The following TLX1 variants were observed in gnomAD, a reference collection of about 807,000 sequenced individuals.
The protein encoded by TLX1 is T-cell leukemia homeobox protein 1.
TLX1 carries 6 observed loss-of-function variants against 26.5 expected under a neutral mutation model. The observed-to-expected ratio is 0.23, with a 90% CI of 0.12 to 0.45. TLX1 has a LOEUF of 0.45. TLX1 is among the 20% of genes least tolerant of loss of function. The pLI, the probability that TLX1 is intolerant of heterozygous loss-of-function variation, is 0.99. For synonymous variants in TLX1, 217 were observed against 219.7 expected (o/e 0.99, Z 0.11); for missense variants, 418 against 482.6 (o/e 0.87, Z 1.25).
Position 101,131,457 on chromosome 10 carries a change from T to G in TLX1, c.-85T>G. On this transcript the variant is annotated 5_prime_UTR_variant, in exon 1 of 3. Transcript: ENST00000370196. ...GTCTCCGCGCAGCCAGGAGCCGCTG[T>G]TGCCTCCCAGCCCCTGCTAGCTGCC... 1 of 1,146,878 alleles carries G rather than the reference T, an allele frequency of 8.7e-7. No homozygotes were observed. The highest frequency in any genetic ancestry group is 1.1e-6 in the Non-Finnish European group (1 of 878,586). 71.0% of individuals were successfully genotyped at this position (1,146,878 alleles called of 1,614,324 possible).
intron 1 of TLX1, 55 bp from the exon 2 acceptor site, chr10:101,134,116 CGTCT>C (rs1564676556): frequency 4.7e-6 from 7 of 1,486,618 alleles, no homozygotes; most frequent in Middle Eastern, 1.7e-4. Flanking sequence ...TTGCCTCTGC[CGTCT>C]GTCTGTCTCC....
chr10:101,134,667 C>G (rs1454405011), intron 2 of TLX1, among the ~76,000 whole-genome samples: 1 of 152,222 alleles, frequency 6.6e-6, no homozygotes, highest in Non-Finnish European at 1.5e-5. Context: ...GGCAAACAGG[C>G]GGGTTAGTGC....
Position 101,137,751 on chromosome 10 carries a change from T to G in TLX1, c.*838T>G, listed in dbSNP as rs918675450. On this transcript the variant is annotated 3_prime_UTR_variant, in exon 3 of 3. Transcript: ENST00000370196. The stretch of plus-strand genomic sequence containing the variant: ...ACCATTTTATAAAGTGCTTGTGTAA[T>G]TTATGTGAAAAAAATAAATAAAAGC... The G allele has an allele frequency of 7.0e-5, 16 of 227,120 alleles. No homozygotes were observed. The highest frequency in any genetic ancestry group is 1.3e-4 in the Non-Finnish European group (15 of 114,044). The allele number at this position is 227,120 out of a possible 1,614,324, so 14.1% of individuals were successfully genotyped here. A position where few individuals can be genotyped will look rare whatever the true frequency, so the allele number is the denominator to read the frequency against.
chr10:101,136,622 A>G, intron 2 of TLX1, 69 bp from the exon 3 acceptor site: 8 of 1,611,102 alleles, frequency 5.0e-6, no homozygotes, highest in Non-Finnish European at 6.8e-6. Flanking sequence ...CTGGGAACGC[A>G]CCAGGAGTTG....
At chr10:101,134,439 T>C (rs1940246291) in intron 2 of TLX1, 63 bp downstream of exon 2, 7 of 1,442,756 alleles carry the variant, frequency 4.9e-6, no homozygotes, top group African/African-American at 1.4e-5. Context: ...TCTCGGTTCA[T>C]TGGCCTCTCG....
At chr10:101,134,874 C>T (rs758810758) in intron 2 of TLX1, among the ~76,000 whole-genome samples, 1 of 152,246 alleles carries the variant, frequency 6.6e-6, no homozygotes, top group African/African-American at 2.4e-5. Flanking sequence ...TCTCCTCCCC[C>T]AGACACCCGG....
chr10:101,134,446 C>A, intron 2 of TLX1, 70 bp downstream of exon 2: 3 of 1,410,078 alleles, frequency 2.1e-6, no homozygotes, highest in South Asian at 1.5e-5. Flanking sequence ...TCATTGGCCT[C>A]TCGTGGGGCG....
At chr10:101,134,963 G>C (rs1940259335) in intron 2 of TLX1, among the ~76,000 whole-genome samples, 1 of 152,240 alleles carries the variant, frequency 6.6e-6, no homozygotes, top group African/African-American at 2.4e-5. Context: ...GGGTCCCACT[G>C]GAAGGGGAAT....
At chr10:101,134,487 C>T (rs1260694773) in intron 2 of TLX1, 111 bp downstream of exon 2, 4 of 1,246,732 alleles carry the variant, frequency 3.2e-6, no homozygotes, top group Non-Finnish European at 4.3e-6. Context: ...GGTTTCTGAT[C>T]CTTTCGGAGG....
In TLX1 at chr10:101,136,951, C is replaced by T; in HGVS notation, c.*38C>T. ...TGCCCTGTGGGACCCCAGGCCCACT[C>T]AGGGGTCACTGAGGCCTGAGACCCA... On this transcript the variant is annotated 3_prime_UTR_variant, in exon 3 of 3. Transcript: ENST00000370196. 1.2e-6 allele frequency: 2 copies of T among 1,605,878 alleles called. No individual in the cohort carries two copies. Among genetic ancestry groups the T allele is most frequent in the South Asian group, 1.1e-5 (1 of 90,758 alleles).
Position 101,136,712 on chromosome 10 carries a change from GGAGGCCGA to G in TLX1, c.798_805del (p.Glu267AlafsTer25), listed in dbSNP as rs1407038694. On this transcript the variant is annotated frameshift_variant, in exon 3 of 3. Coordinates refer to ENST00000370196, the MANE Select transcript of TLX1 (RefSeq NM_005521.4). LOFTEE classifies it high-confidence loss of function. Reference sequence around the variant, plus strand: ...GCAGACGGCAGACTGCGGAGGAACGGGAGGCCGAGAGGCAGCAAGCGAACCGCATCCTC... The same window carrying G: ...GCAGACGGCAGACTGCGGAGGAACGGGAGGCAGCAAGCGAACCGCATCCTC... 6.2e-7 allele frequency: 1 copy of G among 1,612,890 alleles called. No individual in the cohort carries two copies.
rs757352948 is a variant in TLX1, at chr10:101,136,900, C to T, written c.980C>T (p.Ser327Leu). The change falls in exon 3 of 3, where the codon TCG (serine) becomes TTG (leucine). Residue 327 changes from serine (S) to leucine (L), a missense_variant. Coordinates refer to ENST00000370196, the MANE Select transcript of TLX1 (RefSeq NM_005521.4). ...TKITSVTSVA[S>L]ACE Reference sequence around the variant, plus strand: ...ATCACTAGCGTCACGTCGGTGGCGTCGGCCTGCGAGTGAGCCTGCCCATTC... The same window carrying T: ...ATCACTAGCGTCACGTCGGTGGCGTTGGCCTGCGAGTGAGCCTGCCCATTC... The T allele has an allele frequency of 1.1e-5, 17 of 1,613,602 alleles. No individual in the cohort carries two copies. The East Asian group carries it at 3.3e-4, about 32-fold the overall frequency.
At position 101,131,720 on chromosome 10, in the gene TLX1, G is replaced by A; in HGVS notation, c.179G>A (p.Gly60Glu). 6.8e-7 allele frequency: 1 copy of A among 1,460,122 alleles called. No individual in the cohort carries two copies. The allele number at this position is 1,460,122 out of a possible 1,614,324, so 90.4% of individuals were successfully genotyped here. A position where few individuals can be genotyped will look rare whatever the true frequency, so the allele number is the denominator to read the frequency against. ...LVGGAYTYGG[G>E]GSAAATGAGG... ...GGAGGCGCCTACACTTACGGCGGCG[G>A]GGGCTCCGCGGCCGCGACGGGGGCT... Residue 60 changes from glycine (G) to glutamate (E), a missense_variant, in exon 1 of 3, where the codon GGG becomes GAG. Physicochemically the swap from Gly to Glu is moderately conservative, Grantham distance 98. Transcript: ENST00000370196.
rs1940316504 is a variant in TLX1, at chr10:101,137,229, G to A, written c.*316G>A. 1 of 393,342 alleles carries A rather than the reference G, an allele frequency of 2.5e-6. No homozygotes were observed. The highest frequency in any genetic ancestry group is 4.6e-6 in the Non-Finnish European group (1 of 216,816). 24.4% of individuals were successfully genotyped at this position (393,342 alleles called of 1,614,324 possible). Reference sequence around the variant, plus strand: ...TCAGAGAAAGGCAAGGGAGGTAAGGGAGGAGGAGCTTCTGGGGTCCCCAGG... The same window carrying A: ...TCAGAGAAAGGCAAGGGAGGTAAGGAAGGAGGAGCTTCTGGGGTCCCCAGG... On this transcript the variant is annotated 3_prime_UTR_variant, in exon 3 of 3. Transcript: ENST00000370196.
Position 101,131,427 on chromosome 10 carries a change from T to C in TLX1, c.-115T>C. ...CTTTAGCCTTTCTGCGCACTTCGCT[T>C]CCAAGTCTCCGCGCAGCCAGGAGCC... On this transcript the variant is annotated 5_prime_UTR_variant, in exon 1 of 3. Coordinates refer to ENST00000370196, the MANE Select transcript of TLX1 (RefSeq NM_005521.4). 1.2e-6 allele frequency: 1 copy of C among 802,798 alleles called. No individual in the cohort carries two copies. The highest frequency in any genetic ancestry group is 1.7e-6 in the Non-Finnish European group (1 of 573,390). The allele number at this position is 802,798 out of a possible 1,614,324, so 49.7% of individuals were successfully genotyped here. A position where few individuals can be genotyped will look rare whatever the true frequency, so the allele number is the denominator to read the frequency against.
Position 101,132,554 on chromosome 10 carries a change from C to T in TLX1, c.568+445C>T, listed in dbSNP as rs1940201851. On this transcript the variant is annotated intron_variant, in intron 1 of 2. Transcript: ENST00000370196. The surrounding 1 kb of genome is among the most constrained non-coding windows in gnomAD (Gnocchi z 4.1). ...AAGAAAAGAACAGGTTCCCCCACCT[C>T]CAGTCCCCTACACACATGCACTTCG... Among the ~76,000 whole-genome samples the T allele has an allele frequency of 6.6e-6, 1 of 152,212 alleles. No individual in the cohort carries two copies. The highest frequency in any genetic ancestry group is 2.4e-5 in the African/African-American group (1 of 41,446).
In TLX1 at chr10:101,131,899, A is replaced by G; in HGVS notation, c.358A>G (p.Ser120Gly). The change falls in exon 1 of 3, where the codon AGC becomes GGC. Residue 120 changes from serine to glycine, a missense_variant. Around this residue, in one of 3 missense-constraint regions of TLX1, gnomAD observed 322 missense variants for 344.6 expected, o/e 0.93. Coordinates refer to ENST00000370196, the MANE Select transcript of TLX1 (RefSeq NM_005521.4). ...GPGPGGGGGS[S>G]GGAGALSAAG... ...CGGTCCTGGCGGCGGCGGCGGCAGC[A>G]GCGGCGGTGCCGGGGCACTCAGCGC... The G allele has an allele frequency of 7.2e-7, 1 of 1,394,516 alleles. No individual in the cohort carries two copies. Among genetic ancestry groups the G allele is most frequent in the Non-Finnish European group, 9.2e-7 (1 of 1,082,944 alleles). The allele number at this position is 1,394,516 out of a possible 1,614,324, so 86.4% of individuals were successfully genotyped here. A position where few individuals can be genotyped will look rare whatever the true frequency, so the allele number is the denominator to read the frequency against.
intron 1 of TLX1, among the ~76,000 whole-genome samples, chr10:101,133,410 G>A (rs908934881): frequency 1.3e-5 from 2 of 152,204 alleles, no homozygotes; most frequent in Non-Finnish European, 2.9e-5. Context: ...CTCCCTAGAG[G>A]GGTCCCAGTG....
In TLX1 at chr10:101,132,007, A is replaced by G; in HGVS notation, c.466A>G (p.Thr156Ala). The stretch of plus-strand genomic sequence containing the variant: ...CCAGCCCCTGGCCACCGGCTTGCCC[A>G]CCGTGCCCTCTGTGCCTGCCATGCC... Reference protein sequence around the residue: ...HPQPLATGLPTVPSVPAMPGV... With the variant: ...HPQPLATGLPAVPSVPAMPGV... The change falls in exon 1 of 3, where the codon ACC (threonine) becomes GCC (alanine). Residue 156 changes from threonine (T) to alanine (A), a missense_variant. Physicochemically the swap from Thr to Ala is moderately conservative, Grantham distance 58. Transcript: ENST00000370196. The surrounding 1 kb of genome is among the most constrained non-coding windows in gnomAD (Gnocchi z 4.1). The G allele has an allele frequency of 6.6e-7, 1 of 1,522,068 alleles. No homozygotes were observed. Among genetic ancestry groups the G allele is most frequent in the Non-Finnish European group, 8.7e-7 (1 of 1,143,840 alleles). The allele number at this position is 1,522,068 out of a possible 1,614,324, so 94.3% of individuals were successfully genotyped here. A position where few individuals can be genotyped will look rare whatever the true frequency, so the allele number is the denominator to read the frequency against.
Sources: allele counts gnomAD v4.1 joint callset (sites outside exome capture counted in the v4.1 genomes callset), GRCh38; gene constraint gnomAD v4.1.1; regional missense constraint gnomAD v4.1.1; non-coding constraint Gnocchi (gnomAD v3.1); transcripts MANE v1.5; gene names NCBI Gene and HGNC (gene_info 2026-07-23, HGNC 2026-07-21).